Variants in CSE1L observed in about 807,000 individuals in gnomAD.
CSE1L encodes exportin-2.
A neutral mutation model predicts 120.4 loss-of-function variants in CSE1L; 24 were observed. The ratio of observed to expected loss-of-function variants is 0.20; its 90% CI spans 0.14 to 0.28. The LOEUF (loss-of-function observed/expected upper bound fraction) is 0.28. CSE1L is among the 10% of genes least tolerant of loss of function. The probability of loss-of-function intolerance (pLI) is 1.00; values close to 1 mark genes in which losing one functional copy is unlikely to be tolerated. For missense variants in CSE1L, 830 were observed against 1,145.2 expected, an observed-to-expected ratio of 0.72 and a Z score of 3.97; for synonymous variants, 402 against 398.3, an observed-to-expected ratio of 1.01 and a Z score of -0.11.
Position 49,078,629 on chromosome 20 carries a change from AG to A in CSE1L, c.1482+8del, listed in dbSNP as rs1600618135. The A allele has an allele frequency of 1.3e-6, 2 of 1,543,492 alleles. No homozygotes were observed. Among genetic ancestry groups the A allele is most frequent in the Non-Finnish European group, 1.8e-6 (2 of 1,135,224 alleles). ...TATGATTTTTAGAAATCAAGTAAGT[AG>A]CTTTTTATTTGTTACACGCCACTTA... On this transcript the variant is annotated splice_region_variant and intron_variant, in intron 14 of 24. Coordinates refer to ENST00000262982, the MANE Select transcript of CSE1L (RefSeq NM_001316.4).
Position 49,058,455 on chromosome 20 carries a change from CCTATAG to C in CSE1L, c.-7_-2del. 2 of 1,603,258 alleles carry C rather than the reference CCTATAG, an allele frequency of 1.2e-6. No homozygotes were observed. The highest frequency in any genetic ancestry group is 1.7e-6 in the Non-Finnish European group (2 of 1,172,068). On this transcript the variant is annotated 5_prime_UTR_variant, in exon 2 of 25. Transcript: ENST00000262982. ...CCAAACCTTATTTTATATTTTAGAT[CCTATAG>C]CAATGGAACTCAGCGATGCAAATCT...
In CSE1L at chr20:49,077,037, A is replaced by C; in HGVS notation, c.1393A>C (p.Ile465Leu). The change falls in exon 13 of 25, where the codon ATC becomes CTC. Residue 465 changes from isoleucine (I) to leucine (L), a missense_variant. Coordinates refer to ENST00000262982, the MANE Select transcript of CSE1L (RefSeq NM_001316.4). ...VNLTEFFVNH[I>L]LPDLKSANVN... Reference sequence around the variant, plus strand: ...CCTAACTGAGTTCTTTGTGAATCACATCCTCCCTGATTTAAAATCAGCTAA... The same window carrying C: ...CCTAACTGAGTTCTTTGTGAATCACCTCCTCCCTGATTTAAAATCAGCTAA... The C allele has an allele frequency of 6.2e-7, 1 of 1,608,064 alleles. No homozygotes were observed.
At chr20:49,067,306 TTTAAA>T in intron 6 of CSE1L, 26 bp downstream of exon 6, 1 of 1,420,814 alleles carries the variant, frequency 7.0e-7, no homozygotes, top group Non-Finnish European at 9.8e-7. Context: ...TGGTGATATT[TTTAAA>T]TTAATATTTT....
At chr20:49,050,228 T>C (rs1012922140) in intron 1 of CSE1L, among the ~76,000 whole-genome samples, 26 of 151,000 alleles carry the variant, frequency 1.7e-4, no homozygotes, top group African/African-American at 6.1e-4. Flanking sequence ...TTATTTTATT[T>C]TATTTTTGGA....
intron 1 of CSE1L, among the ~76,000 whole-genome samples, chr20:49,047,613 G>GC (rs2091729577): frequency 1.0e-5 from 1 of 98,394 alleles, no homozygotes. Flanking sequence ...GTCTCGCTCT[G>GC]CCTCCCAGGC....
intron 1 of CSE1L, among the ~76,000 whole-genome samples, chr20:49,047,564 CTTTTTTTTTTTTTTTTT>C (rs59986218): frequency 1.4e-4 from 10 of 69,916 alleles, no homozygotes; most frequent in African/African-American, 3.8e-4. Flanking sequence ...TTTCTCTTTT[CTTTTTTTTTTTTTTTTT>C]TTTTTTTTTT....
chr20:49,058,452 G>T lies in CSE1L; in HGVS notation c.-11-1G>T. 2 of 1,594,928 alleles carry T rather than the reference G, an allele frequency of 1.3e-6. No homozygotes were observed. The highest frequency in any genetic ancestry group is 1.7e-6 in the Non-Finnish European group (2 of 1,168,698). On this transcript the variant is annotated splice_acceptor_variant, in intron 1 of 24. Coordinates refer to ENST00000262982, the MANE Select transcript of CSE1L (RefSeq NM_001316.4). LOFTEE classifies it low-confidence loss of function (5UTR_SPLICE). ...TATCCAAACCTTATTTTATATTTTA[G>T]ATCCTATAGCAATGGAACTCAGCGA...
At chr20:49,085,562 A>T (rs868269021) in intron 16 of CSE1L, among the ~76,000 whole-genome samples, 176 bp downstream of exon 16, 29 of 80,234 alleles carry the variant, frequency 3.6e-4, no homozygotes, top group Middle Eastern at 0.011. Context: ...ACTAACAATA[A>T]TTTTTTTTTT....
intron 1 of CSE1L, among the ~76,000 whole-genome samples, chr20:49,057,195 T>C (rs1294666115): frequency 6.6e-6 from 1 of 152,178 alleles, no homozygotes; most frequent in Non-Finnish European, 1.5e-5. Context: ...ATCTGTTAGA[T>C]GTGAAGTTTT....
chr20:49,092,021 G>A (rs183343754), intron 21 of CSE1L, 25 bp from the exon 22 acceptor site: 2 of 1,307,732 alleles, frequency 1.5e-6, no homozygotes, highest in African/African-American at 2.9e-5. Context: ...TCTCTATGCT[G>A]ATATTCTGCA....
intron 8 of CSE1L, 116 bp downstream of exon 8, chr20:49,070,413 A>G (rs1000278661): frequency 3.6e-5 from 21 of 580,716 alleles, no homozygotes; most frequent in Non-Finnish European, 6.4e-5. Context: ...CAATACTGTA[A>G]TAATATTTGA....
At chr20:49,062,730 A>C (rs143945588) in intron 2 of CSE1L, among the ~76,000 whole-genome samples, 1 of 151,944 alleles carries the variant, frequency 6.6e-6, no homozygotes, top group Non-Finnish European at 1.5e-5. Context: ...ATAATTTTAC[A>C]TATATAATAT....
intron 1 of CSE1L, among the ~76,000 whole-genome samples, chr20:49,056,888 G>A (rs2091812808): frequency 7.1e-6 from 1 of 141,708 alleles, no homozygotes; most frequent in African/African-American, 2.6e-5. Context: ...TGTGTGTGTG[G>A]TGAAAGCACT....
rs77547378 is a variant in CSE1L at position 49,096,279 on chromosome 20, G to A, written c.2827-70G>A. 3.7e-3 allele frequency: 4,560 copies of A among 1,235,684 alleles called. 133 individuals are homozygous for A. In the East Asian group the frequency reaches 0.058, roughly 16 times the overall value. 76.5% of individuals were successfully genotyped at this position (1,235,684 alleles called of 1,614,324 possible). Reference sequence around the variant, plus strand: ...TTCCCAGAGCTGTGGCAGCTCTCCCGTAGAAGATGGGGTTTGTATTGGCGC... The same window carrying A: ...TTCCCAGAGCTGTGGCAGCTCTCCCATAGAAGATGGGGTTTGTATTGGCGC... On this transcript the variant is annotated intron_variant, in intron 24 of 24. Coordinates refer to ENST00000262982, the MANE Select transcript of CSE1L (RefSeq NM_001316.4).
chr20:49,071,824 C>T (rs578140057), intron 8 of CSE1L, among the ~76,000 whole-genome samples: 255 of 152,156 alleles, frequency 1.7e-3, no homozygotes, highest in African/African-American at 5.8e-3. Flanking sequence ...AAAAATTAGC[C>T]GGGCGTGATG....
chr20:49,082,264 G>A (rs1600539392), intron 14 of CSE1L, among the ~76,000 whole-genome samples: 1 of 151,962 alleles, frequency 6.6e-6, no homozygotes, highest in African/African-American at 2.4e-5. Context: ...CCATTCTCCT[G>A]CCTCAGCCTC....
chr20:49,081,602 T>G (rs1271261542), intron 14 of CSE1L, among the ~76,000 whole-genome samples: 4 of 152,200 alleles, frequency 2.6e-5, no homozygotes, highest in Non-Finnish European at 5.9e-5. Context: ...TAAGCATCTT[T>G]CCACTTGAAG....
chr20:49,078,914 T>A (rs1455107596), intron 14 of CSE1L, among the ~76,000 whole-genome samples: 1 of 152,210 alleles, frequency 6.6e-6, no homozygotes, highest in Non-Finnish European at 1.5e-5. Context: ...TTGTTTGAGA[T>A]GGAGTCTCAT....
intron 22 of CSE1L, among the ~76,000 whole-genome samples, chr20:49,092,612 T>C (rs1376447374): frequency 6.7e-6 from 1 of 149,208 alleles, no homozygotes; most frequent in Non-Finnish European, 1.5e-5. Context: ...TGAGAACACT[T>C]GGACACAGGG....
Sources: allele counts gnomAD v4.1 joint callset (sites outside exome capture counted in the v4.1 genomes callset), GRCh38; gene constraint gnomAD v4.1.1; transcripts MANE v1.5; gene names NCBI Gene and HGNC (gene_info 2026-07-23, HGNC 2026-07-21).